GRAMD2A: variants seen among roughly 807,000 people sequenced by gnomAD.
The protein encoded by GRAMD2A is GRAM domain containing 2A.
Under a neutral mutation model 51.1 loss-of-function variants are expected in GRAMD2A, and 37 were observed. The ratio of observed to expected loss-of-function variants is 0.72; its 90% confidence interval spans 0.56 to 0.95. GRAMD2A has a LOEUF of 0.95. GRAMD2A is among the 40% of genes least tolerant of loss of function. The pLI is 0.00. For synonymous variants in GRAMD2A, 136 were observed against 157.1 expected (o/e 0.87, Z 1.01); for missense variants, 414 against 426.9 (o/e 0.97, Z 0.27).
intron 1 of GRAMD2A, chr15:72,174,024 C>G (rs2081633913): frequency 6.6e-6 from 1 of 151,164 alleles, no homozygotes; most frequent in Non-Finnish European, 1.5e-5. Context: ...CCCACTGAAG[C>G]CAGTTCCTCC....
intron 1 of GRAMD2A, 70 bp downstream of exon 1, chr15:72,197,661 C>T (rs894037672): frequency 8.3e-6 from 10 of 1,209,012 alleles, no homozygotes; most frequent in Non-Finnish European, 1.0e-6. Context: ...CGTCCTGCCC[C>T]GCGCGGCAGC....
Position 72,167,797 on chromosome 15 carries a change from C to T in GRAMD2A, c.311G>A (p.Arg104Gln), listed in dbSNP as rs754996777. Residue 104 changes from arginine to glutamine, a missense_variant, in exon 5 of 12, where the codon CGG (arginine) becomes CAG (glutamine). Arg to Gln is a conservative substitution (Grantham distance 43, BLOSUM62 1). Coordinates refer to ENST00000309731, the MANE Select transcript of GRAMD2A (RefSeq NM_001012642.3). ...GAGCCAGTTGGGGGAGATGTAGAGC[C>T]GGCCCTGGAGGAGGAAGTCCCTCTG... ...ALQRDFLLQG[R>Q]LYISPNWLCF... 26 of 1,613,940 alleles carry T rather than the reference C, an allele frequency of 1.6e-5. No homozygotes were observed. The East Asian group carries it at 2.7e-4, about 17-fold the overall frequency.
At chr15:72,174,392 C>A (rs1203123121) in intron 1 of GRAMD2A, among the ~76,000 whole-genome samples, 1 of 152,152 alleles carries the variant, frequency 6.6e-6, no homozygotes, top group Admixed American at 6.6e-5. Flanking sequence ...GACTTTTTGT[C>A]GCGCTAGGTG....
Position 72,165,334 on chromosome 15 carries a change from C to T in GRAMD2A, c.600+20G>A. ...GGCACTGTCAGTCCAGCAGTCTTTGCTCCCAGCTTCAGCTCTCACCAGAGA... is the reference window on the plus strand; with the variant it reads ...GGCACTGTCAGTCCAGCAGTCTTTGTTCCCAGCTTCAGCTCTCACCAGAGA... On this transcript the variant is annotated intron_variant, in intron 8 of 11. Coordinates refer to ENST00000309731, the MANE Select transcript of GRAMD2A (RefSeq NM_001012642.3). 1.2e-6 allele frequency: 2 copies of T among 1,612,622 alleles called. No individual in the cohort carries two copies. Among genetic ancestry groups the T allele is most frequent in the Non-Finnish European group, 1.7e-6 (2 of 1,178,698 alleles).
chr15:72,193,128 A>G (rs959523779), intron 1 of GRAMD2A, among the ~76,000 whole-genome samples: 1 of 152,030 alleles, frequency 6.6e-6, no homozygotes, highest in African/African-American at 2.4e-5. Context: ...GTTCGTCTCA[A>G]AAATAAATAA....
rs990550491 is a variant in GRAMD2A, at chr15:72,174,835, G to C, written c.42-4896C>G. Among the ~76,000 whole-genome samples, 8 of 152,216 alleles carry C rather than the reference G, an allele frequency of 5.3e-5. No homozygotes were observed. In the South Asian group the frequency reaches 1.0e-3, roughly 20 times the overall value. On this transcript the variant is annotated intron_variant, in intron 1 of 11. Transcript: ENST00000309731. ...ATGGGGAGACAGGGCAGGAGAGGAG[G>C]GGGCAATGAGTGGGAGCCCAGATAC...
At chr15:72,181,614 A>G (rs1232418986) in intron 1 of GRAMD2A, among the ~76,000 whole-genome samples, 1 of 152,232 alleles carries the variant, frequency 6.6e-6, no homozygotes, top group East Asian at 1.9e-4. Context: ...TCAATCTGAC[A>G]TGGTGATGAA....
rs1458483168 is a variant in GRAMD2A, at chr15:72,166,827, C to T, written c.472-124G>A. On this transcript the variant is annotated intron_variant, in intron 6 of 11. Transcript: ENST00000309731. This position sits in a 1 kb window ranked among gnomAD's most constrained non-coding sequence, Gnocchi z 4.1. ...ATCAGGCCATGAGAGCCAACAGAAG[C>T]TCTGCCTAGGAACTTCTCTTCCAGC... is the stretch of plus-strand genomic sequence containing the variant. The T allele has an allele frequency of 2.1e-6, 2 of 969,254 alleles. No homozygotes were observed. The highest frequency in any genetic ancestry group is 1.6e-5 in the African/African-American group (1 of 62,310). The allele number at this position is 969,254 out of a possible 1,614,324, so 60.0% of individuals were successfully genotyped here. A position where few individuals can be genotyped will look rare whatever the true frequency, so the allele number is the denominator to read the frequency against.
intron 7 of GRAMD2A, 104 bp from the exon 8 acceptor site, chr15:72,165,514 C>T: frequency 1.7e-6 from 2 of 1,143,660 alleles, no homozygotes; most frequent in South Asian, 1.3e-5. Context: ...TCCAAATAAG[C>T]CACTTTGTGT....
At position 72,171,774 on chromosome 15, in the gene GRAMD2A, TTC is replaced by T. The variant is rs1454738593; in HGVS notation, c.42-1837_42-1836del. ...TCTTATAGAGAATTCACAGGTGAAA[TTC>T]TTTCTTCATTTGTATTGAAGTTCTT... On this transcript the variant is annotated intron_variant, in intron 1 of 11. Coordinates refer to ENST00000309731, the MANE Select transcript of GRAMD2A (RefSeq NM_001012642.3). 7.2e-5 allele frequency among the ~76,000 whole-genome samples: 11 copies of T among 152,338 alleles called. No homozygotes were observed. The East Asian group carries it at 1.9e-3, about 27-fold the overall frequency.
chr15:72,180,622 C>G (rs748736577), intron 1 of GRAMD2A, among the ~76,000 whole-genome samples: 3 of 152,228 alleles, frequency 2.0e-5, no homozygotes, highest in African/African-American at 7.2e-5. Flanking sequence ...CTCAGAATTA[C>G]TCTGGCTTTG....
At chr15:72,178,628 T>C (rs542902834) in intron 1 of GRAMD2A, among the ~76,000 whole-genome samples, 10 of 136,574 alleles carry the variant, frequency 7.3e-5, no homozygotes, top group African/African-American at 2.8e-4. Flanking sequence ...CAGGCTGGAG[T>C]GCAGTGGCGC....
intron 9 of GRAMD2A, 42 bp downstream of exon 9, chr15:72,163,571 C>A: frequency 6.3e-7 from 1 of 1,589,224 alleles, no homozygotes; most frequent in South Asian, 1.1e-5. Context: ...GAAAGTCTGG[C>A]CTTTGCAAGT....
At chr15:72,163,580 G>A (rs776208441) in intron 9 of GRAMD2A, 33 bp downstream of exon 9, 2 of 1,589,130 alleles carry the variant, frequency 1.3e-6, no homozygotes, top group Admixed American at 3.7e-5. Flanking sequence ...GCCTTTGCAA[G>A]TAGTTGCCAT....
intron 1 of GRAMD2A, among the ~76,000 whole-genome samples, chr15:72,187,792 A>G (rs1233761957): frequency 1.3e-5 from 2 of 152,188 alleles, no homozygotes; most frequent in Non-Finnish European, 2.9e-5. Flanking sequence ...TGCTGGGATT[A>G]CAGGTGTGAG....
In GRAMD2A at chr15:72,160,376, A is replaced by G. The variant is rs1381087161; in HGVS notation, c.*1633T>C. 1 of 148,924 alleles carries G rather than the reference A, an allele frequency of 6.7e-6. No homozygotes were observed. Among genetic ancestry groups the G allele is most frequent in the Non-Finnish European group, 1.5e-5 (1 of 67,554 alleles). The allele number at this position is 148,924 out of a possible 1,614,324, so 9.2% of individuals were successfully genotyped here. On this transcript the variant is annotated 3_prime_UTR_variant, in exon 12 of 12. Transcript: ENST00000309731. The stretch of plus-strand genomic sequence containing the variant: ...AAGGATGACCATTCATGGAACAGTG[A>G]GTTTCACCTGAGACATACAGATTTG...
At chr15:72,181,504 G>A (rs913719974) in intron 1 of GRAMD2A, among the ~76,000 whole-genome samples, 1 of 152,220 alleles carries the variant, frequency 6.6e-6, no homozygotes, top group African/African-American at 2.4e-5. Flanking sequence ...GAGAGATCAG[G>A]TGAAAGGCTG....
At chr15:72,169,764 G>T in intron 2 of GRAMD2A, 83 bp downstream of exon 2, 2 of 1,129,752 alleles carry the variant, frequency 1.8e-6, no homozygotes, top group Non-Finnish European at 2.7e-6. Flanking sequence ...TCTGCCTTGA[G>T]GTCCTCTTAC....
At chr15:72,186,450 G>A (rs1288869178) in intron 1 of GRAMD2A, among the ~76,000 whole-genome samples, 5 of 151,474 alleles carry the variant, frequency 3.3e-5, no homozygotes, top group African/African-American at 4.9e-5. Context: ...TCAGCCTCCC[G>A]AGTAGCTGGG....
Sources: allele counts gnomAD v4.1 joint callset (sites outside exome capture counted in the v4.1 genomes callset), GRCh38; gene constraint gnomAD v4.1.1; non-coding constraint Gnocchi (gnomAD v3.1); transcripts MANE v1.5; gene names NCBI Gene and HGNC (gene_info 2026-07-23, HGNC 2026-07-21).